UGT1A6: variants seen among roughly 807,000 people sequenced by gnomAD.
UGT1A6 encodes the protein UDP-glucuronosyltransferase 1A6.
UGT1A6 carries 32 observed loss-of-function variants against 44.4 expected under a neutral mutation model. The observed-to-expected ratio is 0.72, with a 90% confidence interval of 0.54 to 0.97. The LOEUF is 0.97. Among genes scored for constraint, UGT1A6 ranks in the 50% least tolerant of loss-of-function variants. The pLI, the probability that UGT1A6 is intolerant of heterozygous loss-of-function variation, is 0.00. For missense variants in UGT1A6, 685 were observed against 661.9 expected, an observed-to-expected ratio of 1.03 and a Z score of -0.38; for synonymous variants, 238 against 248.5, an observed-to-expected ratio of 0.96 and a Z score of 0.40.
rs774683875 is a variant in UGT1A6 at position 233,713,284 on chromosome 2, A to C, written c.861+19419A>C. 1.9e-6 allele frequency: 3 copies of C among 1,614,270 alleles called. No individual in the cohort carries two copies. The East Asian group carries it at 6.7e-5, about 36-fold the overall frequency. On this transcript the variant is annotated intron_variant, in intron 1 of 4. Coordinates refer to ENST00000305139, the MANE Select transcript of UGT1A6 (RefSeq NM_001072.4). ...GATCGCCTTTTGCTGGGTCACACTCAATCGTTCTTTGAAACAGAACATCTT... is the reference window on the plus strand; with the variant it reads ...GATCGCCTTTTGCTGGGTCACACTCCATCGTTCTTTGAAACAGAACATCTT...
chr2:233,703,013 G>T lies in UGT1A6; in HGVS notation c.861+9148G>T, dbSNP rs144391169. ...CTCTTCTATTTTTTGGGAACAGTCT[G>T]TCAAGAATTGGTATTCATTCTTTAC... is the stretch of plus-strand genomic sequence containing the variant. On this transcript the variant is annotated intron_variant, in intron 1 of 4. Coordinates refer to ENST00000305139, the MANE Select transcript of UGT1A6 (RefSeq NM_001072.4). Among the ~76,000 whole-genome samples, 828 of 152,308 alleles carry T rather than the reference G, an allele frequency of 5.4e-3. 6 individuals carry two copies. The highest frequency in any genetic ancestry group is 0.019 in the African/African-American group (788 of 41,570).
chr2:233,691,773 AC>A, upstream of UGT1A6: 1 of 342,278 alleles, frequency 2.9e-6, no homozygotes, highest in Non-Finnish European at 4.1e-6. Context: ...TAGGATTCTC[AC>A]CACGTACTGG....
At position 233,768,234 on chromosome 2, in the gene UGT1A6, C is replaced by T. The variant is rs55750087; in HGVS notation, c.1096C>T (p.Arg366Cys). 85 of 1,614,044 alleles carry T rather than the reference C, an allele frequency of 5.3e-5. No homozygotes were observed. The highest frequency in any genetic ancestry group is 3.3e-4 in the Middle Eastern group (2 of 6,084). Residue 366 changes from arginine to cysteine, a missense_variant, in exon 4 of 5, where the codon CGT becomes TGT. Arg to Cys is a radical substitution (Grantham distance 180). Transcript: ENST00000305139. Reference sequence around the variant, plus strand: ...TTGCATCTCAGGTCACCCGATGACCCGTGCCTTTATCACCCATGCTGGTTC... The same window carrying T: ...TTGCATCTCAGGTCACCCGATGACCTGTGCCTTTATCACCCATGCTGGTTC... ...QNDLLGHPMT[R>C]AFITHAGSHG...
At chr2:233,718,776 G>C in intron 1 of UGT1A6, 2 of 1,612,920 alleles carry the variant, frequency 1.2e-6, no homozygotes, top group Non-Finnish European at 1.7e-6. Flanking sequence ...AATGTAGCAG[G>C]CACAGCGTGG....
intron 1 of UGT1A6, among the ~76,000 whole-genome samples, chr2:233,702,121 A>T (rs1297535500): frequency 6.6e-6 from 1 of 152,030 alleles, no homozygotes; most frequent in Non-Finnish European, 1.5e-5. Flanking sequence ...ACCTTAGAAC[A>T]TTTTCAGTCA....
chr2:233,713,763 C>T (rs145951104), intron 1 of UGT1A6: 46 of 1,613,764 alleles, frequency 2.9e-5, no homozygotes, highest in Admixed American at 1.5e-4. Context: ...GTGGCTGTTC[C>T]GAGGGGACTT....
chr2:233,692,893 G>C lies in UGT1A6; in HGVS notation c.-112G>C. 6.5e-7 allele frequency: 1 copy of C among 1,527,424 alleles called. No homozygotes were observed. The highest frequency in any genetic ancestry group is 8.7e-7 in the Non-Finnish European group (1 of 1,144,538). The allele number at this position is 1,527,424 out of a possible 1,614,324, so 94.6% of individuals were successfully genotyped here. ...AGGGTAAAATTCAGAGCAAGGGAGA[G>C]GTAGACAGGACCTGTGAAAAGCAGT... On this transcript the variant is annotated 5_prime_UTR_variant, in exon 1 of 5. Transcript: ENST00000305139.
chr2:233,728,584 C>T (rs553325629), intron 1 of UGT1A6, among the ~76,000 whole-genome samples: 5 of 152,182 alleles, frequency 3.3e-5, no homozygotes, highest in Non-Finnish European at 7.3e-5. Flanking sequence ...GAAAAACGAC[C>T]AAAACCACAT....
At chr2:233,698,168 C>T (rs962502449) in intron 1 of UGT1A6, among the ~76,000 whole-genome samples, 2 of 152,148 alleles carry the variant, frequency 1.3e-5, no homozygotes, top group East Asian at 1.9e-4. Context: ...TCCTAGAGAA[C>T]ATTCTGTATT....
At position 233,760,222 on chromosome 2, in the gene UGT1A6, T is replaced by G. The variant is rs1346369593; in HGVS notation, c.862-6812T>G. On this transcript the variant is annotated intron_variant, in intron 1 of 4. Coordinates refer to ENST00000305139, the MANE Select transcript of UGT1A6 (RefSeq NM_001072.4). The stretch of plus-strand genomic sequence containing the variant: ...GTCAAACATTAACTTGGTGTATCGA[T>G]TGGTTTTTGCCATATATATATATAT... The G allele has an allele frequency of 2.5e-6, 4 of 1,591,036 alleles. No individual in the cohort carries two copies. The South Asian group carries it at 3.4e-5, about 13-fold the overall frequency.
intron 1 of UGT1A6, chr2:233,717,918 A>C (rs2076615839): frequency 2.2e-6 from 1 of 454,686 alleles, no homozygotes; most frequent in Non-Finnish European, 4.4e-6. Flanking sequence ...GGCCTGGATG[A>C]ATGGATACTT....
intron 1 of UGT1A6, chr2:233,761,011 GTGA>G (rs759864220): frequency 6.2e-7 from 1 of 1,614,156 alleles, no homozygotes; most frequent in Non-Finnish European, 8.5e-7. Context: ...TCAGAGAGAG[GTGA>G]CTGTCCAGGA....
At chr2:233,725,198 A>C (rs1414997731) in intron 1 of UGT1A6, among the ~76,000 whole-genome samples, 7 of 86,674 alleles carry the variant, frequency 8.1e-5, no homozygotes, top group African/African-American at 6.8e-4. Flanking sequence ...AGGCAGAGGC[A>C]GAGGCAGAGG....
chr2:233,768,039 G>T (rs1699553199), intron 3 of UGT1A6, 103 bp downstream of exon 3: 10 of 1,610,920 alleles, frequency 6.2e-6, no homozygotes, highest in Non-Finnish European at 8.5e-6. Flanking sequence ...AAATATTATG[G>T]CCAACATATC....
At chr2:233,704,907 G>T (rs1235978243) in intron 1 of UGT1A6, among the ~76,000 whole-genome samples, 1 of 152,152 alleles carries the variant, frequency 6.6e-6, no homozygotes, top group Admixed American at 6.5e-5. Context: ...GCTGAGGCAG[G>T]TGGATCACCT....
chr2:233,692,795 C>G (rs866165884), upstream of UGT1A6: 7 of 1,377,094 alleles, frequency 5.1e-6, no homozygotes, highest in African/African-American at 2.9e-5. Flanking sequence ...TGAAAGCTGA[C>G]ACGGCCATAG....
chr2:233,725,264 G>GGCAGAGGCAGAGGCA (rs1216362118), intron 1 of UGT1A6, among the ~76,000 whole-genome samples: 1 of 58,548 alleles, frequency 1.7e-5, no homozygotes, highest in African/African-American at 1.3e-4. Flanking sequence ...CAGAGGCAGA[G>GGCAGAGGCAGAGGCA]GAGGCAGAGG....
At chr2:233,720,329 A>G (rs2076851533) in intron 1 of UGT1A6, among the ~76,000 whole-genome samples, 1 of 152,074 alleles carries the variant, frequency 6.6e-6, no homozygotes, top group Admixed American at 6.5e-5. Flanking sequence ...GACATCGTAG[A>G]GTTTGGAAGG....
At chr2:233,722,141 C>T (rs542945200) in intron 1 of UGT1A6, 1 of 165,432 alleles carries the variant, frequency 6.0e-6, no homozygotes, top group South Asian at 1.7e-4. Context: ...TTTAAGACTC[C>T]TGCAGGACAA....
Sources: gnomAD v4.1 joint callset for allele counts (sites outside exome capture counted in the v4.1 genomes callset) on GRCh38, gnomAD v4.1.1 for gene constraint, MANE v1.5 for transcripts, NCBI Gene and HGNC (gene_info 2026-07-23, HGNC 2026-07-21) for gene names.